Variants in NRXN3 observed in about 807,000 individuals in gnomAD.
NRXN3 encodes the protein neurexin 3, also known as neurexin III.
In NRXN3, 32 loss-of-function variants were observed where a neutral mutation model predicts 137.6. That is an observed-to-expected ratio of 0.23 (90% CI 0.18 to 0.31). NRXN3 has a LOEUF of 0.31. Ranked by LOEUF, NRXN3 falls within the 10% of genes least tolerant of loss-of-function variation. The pLI, the probability that NRXN3 is intolerant of heterozygous loss-of-function variation, is 1.00. For synonymous variants in NRXN3, 798 were observed against 784.5 expected (o/e 1.02, Z -0.29); for missense variants, 1,574 against 2,062.5 (o/e 0.76, Z 4.59).
intron 15 of NRXN3, among the ~76,000 whole-genome samples, chr14:79,073,139 C>T (rs1048796750): frequency 3.9e-5 from 6 of 152,146 alleles, no homozygotes; most frequent in South Asian, 2.1e-4. Flanking sequence ...CACTCGCCTC[C>T]GCCTCCCAAA....
At chr14:79,745,417 G>A (rs372052128) in intron 19 of NRXN3, among the ~76,000 whole-genome samples, 4 of 152,024 alleles carry the variant, frequency 2.6e-5, no homozygotes, top group Non-Finnish European at 4.4e-5. Flanking sequence ...CATTAATCAG[G>A]ATTAAATCAT....
chr14:79,667,395 G>T (rs1603398756), intron 17 of NRXN3, among the ~76,000 whole-genome samples: 1 of 151,978 alleles, frequency 6.6e-6, no homozygotes, highest in East Asian at 1.9e-4. Context: ...TCGGGGAATT[G>T]TTCCTGCCTA....
At chr14:79,718,938 C>T (rs2098832953) in intron 19 of NRXN3, among the ~76,000 whole-genome samples, 3 of 151,954 alleles carry the variant, frequency 2.0e-5, no homozygotes, top group Non-Finnish European at 1.5e-5. Flanking sequence ...TTTATCTCTC[C>T]CCCATTCCAC....
intron 15 of NRXN3, among the ~76,000 whole-genome samples, chr14:79,416,726 T>C (rs928922716): frequency 1.3e-5 from 2 of 152,152 alleles, no homozygotes; most frequent in African/African-American, 4.8e-5. Flanking sequence ...AAATCTAATA[T>C]ATGTCTATAG....
At chr14:78,600,619 C>G (rs2097194715) in intron 4 of NRXN3, among the ~76,000 whole-genome samples, 3 of 152,154 alleles carry the variant, frequency 2.0e-5, no homozygotes, top group African/African-American at 7.2e-5. Context: ...ACTCCCTTGT[C>G]TTCCCCCAAC....
At chr14:79,520,663 C>T (rs1027600877) in intron 16 of NRXN3, among the ~76,000 whole-genome samples, 1 of 152,126 alleles carries the variant, frequency 6.6e-6, no homozygotes, top group African/African-American at 2.4e-5. Flanking sequence ...TGTATATGTG[C>T]CACATTTTCT....
chr14:78,727,793 T>A (rs577291430), intron 8 of NRXN3, among the ~76,000 whole-genome samples: 18 of 152,294 alleles, frequency 1.2e-4, no homozygotes, highest in African/African-American at 3.6e-4. Flanking sequence ...CCTCGTCTTA[T>A]TCCTCAAAAT....
intron 15 of NRXN3, among the ~76,000 whole-genome samples, chr14:79,125,873 T>G (rs1053832856): frequency 6.6e-6 from 1 of 152,196 alleles, no homozygotes; most frequent in Non-Finnish European, 1.5e-5. Context: ...GTATACTTAC[T>G]CAGAATTTTT....
chr14:78,521,177 T>G (rs530879492), intron 4 of NRXN3, among the ~76,000 whole-genome samples: 118 of 152,300 alleles, frequency 7.7e-4, no homozygotes, highest in African/African-American at 2.7e-3. Flanking sequence ...TCTTCCTCTA[T>G]CCCCACTCTA....
chr14:79,124,761 G>A (rs2056096898), intron 15 of NRXN3, among the ~76,000 whole-genome samples: 1 of 152,170 alleles, frequency 6.6e-6, no homozygotes, highest in Non-Finnish European at 1.5e-5. Context: ...TGACTCTAGA[G>A]GTAGGCTAAG....
At chr14:78,919,170 T>C (rs753639125) in intron 10 of NRXN3, among the ~76,000 whole-genome samples, 15 of 152,230 alleles carry the variant, frequency 9.9e-5, no homozygotes, top group Non-Finnish European at 2.1e-4. Flanking sequence ...TTTTGACCTA[T>C]TTGGGATTGA....
At chr14:78,926,860 TA>T (rs1408205084) in intron 10 of NRXN3, among the ~76,000 whole-genome samples, 1 of 23,658 alleles carries the variant, frequency 4.2e-5, no homozygotes, top group South Asian at 1.0e-3. Context: ...ATTATATATA[TA>T]ATATATATAT....
chr14:78,500,760 A>G (rs1350230455), intron 4 of NRXN3, among the ~76,000 whole-genome samples: 2 of 152,102 alleles, frequency 1.3e-5, no homozygotes, highest in African/African-American at 2.4e-5. Context: ...TTTCTACTCA[A>G]TACTATTTAA....
At chr14:79,556,507 C>T (rs1326023905) in intron 16 of NRXN3, among the ~76,000 whole-genome samples, 2 of 152,026 alleles carry the variant, frequency 1.3e-5, no homozygotes, top group African/African-American at 2.4e-5. Flanking sequence ...CCTCTTTTTC[C>T]CACTCCCCTT....
At chr14:78,443,390 G>C (rs947956239) in intron 4 of NRXN3, among the ~76,000 whole-genome samples, 6 of 152,208 alleles carry the variant, frequency 3.9e-5, no homozygotes, top group Non-Finnish European at 8.8e-5. Context: ...TCTGCCAGCT[G>C]TTATCCCCCT....
chr14:78,538,250 G>T (rs2096555424), intron 4 of NRXN3, among the ~76,000 whole-genome samples: 2 of 152,208 alleles, frequency 1.3e-5, no homozygotes, highest in Non-Finnish European at 2.9e-5. Flanking sequence ...CATGAGCATG[G>T]AATGTACTTC....
At chr14:79,215,938 G>A (rs1157840242) in intron 15 of NRXN3, among the ~76,000 whole-genome samples, 1 of 152,156 alleles carries the variant, frequency 6.6e-6, no homozygotes, top group Non-Finnish European at 1.5e-5. Context: ...ATCCATTGCT[G>A]TGTCACAGAC....
At chr14:79,482,708 A>G (rs568067556) in intron 16 of NRXN3, among the ~76,000 whole-genome samples, 2 of 152,120 alleles carry the variant, frequency 1.3e-5, no homozygotes, top group South Asian at 2.1e-4. Context: ...AACCAAAAAC[A>G]ACCAAACAAA....
At position 78,553,020 on chromosome 14, in the gene NRXN3, C is replaced by G. The variant is rs189169837; in HGVS notation, c.758-92100C>G. Among the ~76,000 whole-genome samples, 297 of 152,084 alleles carry G rather than the reference C, an allele frequency of 2.0e-3. 1 individual carries two copies. Among genetic ancestry groups the G allele is most frequent in the Non-Finnish European group, 2.1e-3 (140 of 68,000 alleles). On this transcript the variant is annotated intron_variant, in intron 4 of 20. Transcript: ENST00000335750. ...CATCAATAAAAAATAATTTAAAACC[C>G]CATTTATTGTGAATTCACTTTCCCA...
Sources: gnomAD v4.1 joint callset for allele counts (sites outside exome capture counted in the v4.1 genomes callset) on GRCh38, gnomAD v4.1.1 for gene constraint, MANE v1.5 for transcripts, NCBI Gene and HGNC (gene_info 2026-07-23, HGNC 2026-07-21) for gene names.